DAGLA: variants seen among roughly 807,000 people sequenced by gnomAD.
DAGLA encodes the protein diacylglycerol lipase alpha.
In DAGLA, 22 loss-of-function variants were observed where a neutral mutation model predicts 102.6. The observed-to-expected ratio is 0.21, with a 90% CI of 0.15 to 0.31. The LOEUF is 0.31. Among genes scored for constraint, DAGLA ranks in the 10% least tolerant of loss-of-function variants. The probability of loss-of-function intolerance (pLI) is 1.00; values close to 1 mark genes in which losing one functional copy is unlikely to be tolerated. For synonymous variants in DAGLA, 578 were observed against 628.9 expected (o/e 0.92, Z 1.21); for missense variants, 927 against 1,446.6 (o/e 0.64, Z 5.83).
At chr11:61,732,743 G>A (rs1323128229) in intron 9 of DAGLA, among the ~76,000 whole-genome samples, 4 of 152,158 alleles carry the variant, frequency 2.6e-5, no homozygotes, top group Non-Finnish European at 5.9e-5. Context: ...AGAGAGGCAG[G>A]CCTGCAGCCC....
intron 1 of DAGLA, among the ~76,000 whole-genome samples, chr11:61,705,436 C>G (rs1216163187): frequency 2.0e-5 from 3 of 152,192 alleles, no homozygotes; most frequent in African/African-American, 2.4e-5. Context: ...TCTCCATCCT[C>G]CAGGCCTCCA....
chr11:61,742,239 G>A lies in DAGLA; in HGVS notation c.2171+890G>A, dbSNP rs187552640. ...ACAGAGGCGTGCACACATGCTCACA[G>A]GGGCACGCACATGGGGGCCACAGCG... On this transcript the variant is annotated intron_variant, in intron 19 of 19. Transcript: ENST00000257215. Among the ~76,000 whole-genome samples, 90 of 152,258 alleles carry A rather than the reference G, an allele frequency of 5.9e-4. 1 individual carries two copies. Among genetic ancestry groups the A allele is most frequent in the Non-Finnish European group, 2.4e-4 (16 of 68,022 alleles).
chr11:61,705,630 T>C (rs760016984), intron 1 of DAGLA, among the ~76,000 whole-genome samples: 6 of 152,248 alleles, frequency 3.9e-5, no homozygotes, highest in Non-Finnish European at 7.3e-5. Flanking sequence ...GAAGGTTCAC[T>C]TGAAGTTTCT....
chr11:61,700,604 A>G (rs1019730909), intron 1 of DAGLA, among the ~76,000 whole-genome samples: 2 of 152,190 alleles, frequency 1.3e-5, no homozygotes, highest in African/African-American at 4.8e-5. Context: ...TTAGCTGCTG[A>G]TGGATCTGGC....
chr11:61,700,543 T>A, intron 1 of DAGLA, among the ~76,000 whole-genome samples: 1 of 152,200 alleles, frequency 6.6e-6, no homozygotes, highest in South Asian at 2.1e-4. Context: ...GGCCAGTGAC[T>A]CCTTGAGCCT....
chr11:61,689,202 C>A (rs1017515069), intron 1 of DAGLA, among the ~76,000 whole-genome samples: 1 of 152,278 alleles, frequency 6.6e-6, no homozygotes, highest in Non-Finnish European at 1.5e-5. Flanking sequence ...AGTTTTGGGG[C>A]AGGCTGCAGA....
chr11:61,683,521 T>C (rs972259181), intron 1 of DAGLA, among the ~76,000 whole-genome samples: 9 of 152,174 alleles, frequency 5.9e-5, no homozygotes, highest in African/African-American at 2.2e-4. Context: ...CTGTTGTGAA[T>C]ATTCAGTATT....
intron 1 of DAGLA, among the ~76,000 whole-genome samples, chr11:61,685,868 T>A (rs2064982587): frequency 1.3e-5 from 2 of 152,018 alleles, no homozygotes; most frequent in Non-Finnish European, 2.9e-5. Flanking sequence ...CCGTCTGTTG[T>A]GTGCTGTAGG....
At chr11:61,731,523 A>T in intron 9 of DAGLA, 82 bp downstream of exon 9, 1 of 1,568,930 alleles carries the variant, frequency 6.4e-7, no homozygotes, top group South Asian at 1.1e-5. Context: ...GGCTGCGCCT[A>T]CTGCTTTGCC....
In DAGLA at chr11:61,720,024, G is replaced by A. The variant is rs898583438; in HGVS notation, c.-44-88G>A. Reference sequence around the variant, plus strand: ...AAATGCCTGTGCTTCTGGCCACACCGGGGACTGGTCCCGTGGCCCAAGGAA... The same window carrying A: ...AAATGCCTGTGCTTCTGGCCACACCAGGGACTGGTCCCGTGGCCCAAGGAA... On this transcript the variant is annotated intron_variant, in intron 1 of 19. Coordinates refer to ENST00000257215, the MANE Select transcript of DAGLA (RefSeq NM_006133.3). 18 of 868,900 alleles carry A rather than the reference G, an allele frequency of 2.1e-5. No individual in the cohort carries two copies. In the East Asian group the frequency reaches 2.3e-4, roughly 11 times the overall value. The allele number at this position is 868,900 out of a possible 1,614,324, so 53.8% of individuals were successfully genotyped here.
chr11:61,742,126 G>A, intron 19 of DAGLA, among the ~76,000 whole-genome samples: 1 of 152,142 alleles, frequency 6.6e-6, no homozygotes, highest in Admixed American at 6.5e-5. Flanking sequence ...GGTGCTCATG[G>A]AAATGCATGA....
At chr11:61,703,354 C>T (rs1377358899) in intron 1 of DAGLA, among the ~76,000 whole-genome samples, 3 of 148,862 alleles carry the variant, frequency 2.0e-5, no homozygotes, top group Non-Finnish European at 4.4e-5. Flanking sequence ...CTTGGGGTAC[C>T]TAAGATTTGG....
At chr11:61,706,035 C>T (rs1481772952) in intron 1 of DAGLA, among the ~76,000 whole-genome samples, 1 of 152,210 alleles carries the variant, frequency 6.6e-6, no homozygotes, top group South Asian at 2.1e-4. Context: ...CACTCAGAAG[C>T]GTGCTACCAA....
rs764663724 is a variant in DAGLA, at chr11:61,743,538, G to A, written c.2178G>A (p.Lys726=). ...ADHRNSSVRS[K]SQSEMSLEGF... ...CTCTCCTCTCCCTCTGCAGGAGCAA[G>A]TCCCAGTCTGAGATGAGCCTGGAGG... is the stretch of plus-strand genomic sequence containing the variant. The change falls in exon 20 of 20, where the codon AAG becomes AAA. Residue 726 remains lysine, a synonymous_variant. Coordinates refer to ENST00000257215, the MANE Select transcript of DAGLA (RefSeq NM_006133.3). 13 of 1,517,854 alleles carry A rather than the reference G, an allele frequency of 8.6e-6. No individual in the cohort carries two copies. Among genetic ancestry groups the A allele is most frequent in the African/African-American group, 1.4e-5 (1 of 72,070 alleles). 94.0% of individuals were successfully genotyped at this position (1,517,854 alleles called of 1,614,324 possible).
chr11:61,744,460 C>T lies in DAGLA; in HGVS notation c.3100C>T (p.Gln1034Ter). The change falls in exon 20 of 20, where the codon CAA (glutamine) becomes TAA (stop). Residue 1034 changes from glutamine (Q) to a stop codon, truncating the protein, a stop_gained. Transcript: ENST00000257215. LOFTEE classifies it high-confidence loss of function. ...TGGCCACGGAGCCAGCCCCGCCAAGCAAGATGAGCTGGTCATCTCAGCACG... is the reference window on the plus strand; with the variant it reads ...TGGCCACGGAGCCAGCCCCGCCAAGTAAGATGAGCTGGTCATCTCAGCACG... The part of the protein sequence containing the change: ...PTGHGASPAK[Q>*]DELVISAR 16 of 1,584,024 alleles carry T rather than the reference C, an allele frequency of 1.0e-5. No individual in the cohort carries two copies. The highest frequency in any genetic ancestry group is 1.3e-5 in the Non-Finnish European group (15 of 1,162,104).
intron 1 of DAGLA, among the ~76,000 whole-genome samples, chr11:61,706,271 G>T (rs1401476431): frequency 3.3e-5 from 5 of 152,216 alleles, no homozygotes; most frequent in Non-Finnish European, 5.9e-5. Context: ...CTGGGCTCCA[G>T]AGGGCAGTGG....
At chr11:61,681,145 C>T (rs552583416) in intron 1 of DAGLA, among the ~76,000 whole-genome samples, 2 of 152,270 alleles carry the variant, frequency 1.3e-5, no homozygotes, top group African/African-American at 4.8e-5. Flanking sequence ...AGGGTAAATG[C>T]CCATCCTTCC....
Position 61,737,307 on chromosome 11 carries a change from G to A in DAGLA, c.1497G>A (p.Pro499=), listed in dbSNP as rs769423456. The part of the protein sequence containing the change: ...YPTLKCFAYS[P]PGGLLSEDAM... ...CCCTCAAGTGCTTTGCCTACTCCCC[G>A]CCAGGGGGCCTGCTGAGGTGAGCCA... Residue 499 remains proline (P), a synonymous_variant, in exon 14 of 20, where the codon CCG becomes CCA. Transcript: ENST00000257215. The A allele has an allele frequency of 2.2e-5, 36 of 1,611,282 alleles. No individual in the cohort carries two copies. Among genetic ancestry groups the A allele is most frequent in the African/African-American group, 8.0e-5 (6 of 74,924 alleles).
rs143688885 is a variant in DAGLA at position 61,712,100 on chromosome 11, C to T, written c.-44-8012C>T. Among the ~76,000 whole-genome samples the T allele has an allele frequency of 4.7e-4, 71 of 152,312 alleles. No individual in the cohort carries two copies. The East Asian group carries it at 0.011, about 23-fold the overall frequency. ...CCCAAGTCACTGGAGCTTCTCTTTC[C>T]GTCCTCCTCCCTGAACTCTGTGCCC... On this transcript the variant is annotated intron_variant, in intron 1 of 19. Transcript: ENST00000257215.
Sources: gnomAD v4.1 joint callset for allele counts (sites outside exome capture counted in the v4.1 genomes callset) on GRCh38, gnomAD v4.1.1 for gene constraint, MANE v1.5 for transcripts, NCBI Gene and HGNC (gene_info 2026-07-23, HGNC 2026-07-21) for gene names.